PARD3: variants seen among roughly 807,000 people sequenced by gnomAD.
PARD3 encodes par-3 family cell polarity regulator, also known as partitioning defective 3 homolog.
PARD3 carries 75 observed loss-of-function variants against 155.4 expected under a neutral mutation model. The observed-to-expected ratio is 0.48, with a 90% confidence interval of 0.40 to 0.58. PARD3 has a LOEUF of 0.58. Ranked by LOEUF, PARD3 falls within the 20% of genes least tolerant of loss-of-function variation. The pLI is 0.00. For missense variants in PARD3, 1,642 were observed against 1,721.7 expected (o/e 0.95, Z 0.82); for synonymous variants, 576 against 610.5 (o/e 0.94, Z 0.83).
chr10:34,775,940 T>C (rs1250929753), intron 1 of PARD3, among the ~76,000 whole-genome samples: 1 of 151,882 alleles, frequency 6.6e-6, no homozygotes, highest in Non-Finnish European at 1.5e-5. Flanking sequence ...CAAAGTAATA[T>C]ATGGCCAGGC....
intron 6 of PARD3, among the ~76,000 whole-genome samples, chr10:34,401,433 A>T (rs1843871826): frequency 6.6e-6 from 1 of 152,196 alleles, no homozygotes; most frequent in Admixed American, 6.6e-5. Flanking sequence ...TAGTTTTTCA[A>T]GTATGTCTGC....
At chr10:34,203,799 C>T (rs1426137003) in intron 22 of PARD3, among the ~76,000 whole-genome samples, 1 of 152,158 alleles carries the variant, frequency 6.6e-6, no homozygotes, top group Non-Finnish European at 1.5e-5. Context: ...AATCCACACA[C>T]CTGAGTTCTA....
At chr10:34,789,748 CA>C (rs1438413693) in intron 1 of PARD3, among the ~76,000 whole-genome samples, 1 of 65,844 alleles carries the variant, frequency 1.5e-5, no homozygotes, top group Admixed American at 1.5e-4. Context: ...TATATATACA[CA>C]AACAAACAGA....
chr10:34,324,999 T>C (rs1476218539), intron 19 of PARD3, among the ~76,000 whole-genome samples: 1 of 152,158 alleles, frequency 6.6e-6, no homozygotes, highest in Non-Finnish European at 1.5e-5. Context: ...TAAAATAGTC[T>C]GTGGTTTGCT....
At chr10:34,112,751 A>G (rs1209133387) in intron 24 of PARD3, among the ~76,000 whole-genome samples, 2 of 152,352 alleles carry the variant, frequency 1.3e-5, no homozygotes, top group South Asian at 2.1e-4. Context: ...AATTGCATCA[A>G]TATGGTTTGG....
intron 5 of PARD3, among the ~76,000 whole-genome samples, chr10:34,431,137 A>C (rs2075877131): frequency 1.3e-5 from 2 of 152,318 alleles, no homozygotes; most frequent in East Asian, 3.9e-4. Flanking sequence ...ATTGCAGTTA[A>C]TAAGTATGAT....
Position 34,579,908 on chromosome 10 carries a change from G to GAAA in PARD3, c.223-62752_223-62750dup, listed in dbSNP as rs574829315. ...GCCTAGAGCTACCATTTTCACTACA[G>GAAA]AAAAAAAAAAAAATAGTTTTTGAGA... is the stretch of plus-strand genomic sequence containing the variant. On this transcript the variant is annotated intron_variant, in intron 2 of 24. Transcript: ENST00000374788. 6.3e-3 allele frequency among the ~76,000 whole-genome samples: 816 copies of GAAA among 130,354 alleles called. 11 individuals are homozygous for GAAA. Among genetic ancestry groups the GAAA allele is most frequent in the African/African-American group, 0.021 (746 of 36,268 alleles). The allele number at this position is 130,354 out of a possible 152,430, so 85.5% of individuals were successfully genotyped here. A position where few individuals can be genotyped will look rare whatever the true frequency, so the allele number is the denominator to read the frequency against.
At chr10:34,730,337 G>C (rs2094794489) in intron 1 of PARD3, among the ~76,000 whole-genome samples, 1 of 151,964 alleles carries the variant, frequency 6.6e-6, no homozygotes, top group African/African-American at 2.4e-5. Flanking sequence ...ACCAGACCTG[G>C]AAATTAATGA....
chr10:34,529,438 G>A (rs563860936), intron 2 of PARD3, among the ~76,000 whole-genome samples: 3 of 152,306 alleles, frequency 2.0e-5, no homozygotes, highest in Admixed American at 2.0e-4. Flanking sequence ...AGGCCCATGA[G>A]CTCTTTCTCT....
At chr10:34,503,658 G>A (rs1003564844) in intron 3 of PARD3, among the ~76,000 whole-genome samples, 1 of 152,216 alleles carries the variant, frequency 6.6e-6, no homozygotes, top group East Asian at 1.9e-4. Flanking sequence ...ACAACAGGCT[G>A]CTGTGATGGC....
At chr10:34,503,957 C>T (rs2080878127) in intron 3 of PARD3, among the ~76,000 whole-genome samples, 1 of 152,118 alleles carries the variant, frequency 6.6e-6, no homozygotes, top group African/African-American at 2.4e-5. Context: ...TGGTTAACTG[C>T]TTTCAAATGC....
At chr10:34,562,046 T>G (rs1219628354) in intron 2 of PARD3, among the ~76,000 whole-genome samples, 2 of 130,042 alleles carry the variant, frequency 1.5e-5, no homozygotes, top group Non-Finnish European at 3.1e-5. Context: ...AGGGAGAGAA[T>G]CACTTGAACC....
chr10:34,499,438 G>A (rs2080522978), intron 3 of PARD3, among the ~76,000 whole-genome samples: 1 of 151,958 alleles, frequency 6.6e-6, no homozygotes, highest in African/African-American at 2.4e-5. Context: ...GACACAAAAA[G>A]TTATTTGCGA....
chr10:34,774,880 T>C (rs1399524219), intron 1 of PARD3, among the ~76,000 whole-genome samples: 1 of 152,212 alleles, frequency 6.6e-6, no homozygotes, highest in African/African-American at 2.4e-5. Context: ...GATATAATTT[T>C]TCATTTACAG....
chr10:34,176,145 T>C (rs79111567), intron 22 of PARD3, among the ~76,000 whole-genome samples: 7,209 of 152,320 alleles, frequency 0.047, 261 homozygotes, highest in Non-Finnish European at 0.064. Context: ...GAGGCTATTA[T>C]CATGCCACTA....
intron 2 of PARD3, among the ~76,000 whole-genome samples, chr10:34,581,234 C>CTTTTTT (rs779658592): frequency 0.019 from 1,875 of 100,956 alleles, 257 homozygotes; most frequent in African/African-American, 0.072. Context: ...TTTTTCTTTT[C>CTTTTTT]TTTTTTTTTT....
At chr10:34,435,367 CAG>C (rs1186019981) in intron 5 of PARD3, among the ~76,000 whole-genome samples, 10 of 152,114 alleles carry the variant, frequency 6.6e-5, no homozygotes, top group Non-Finnish European at 1.2e-4. Flanking sequence ...TCCAAAGACA[CAG>C]AATTCTTACC....
At chr10:34,207,645 T>C (rs1951542029) in intron 22 of PARD3, among the ~76,000 whole-genome samples, 1 of 152,228 alleles carries the variant, frequency 6.6e-6, no homozygotes, top group South Asian at 2.1e-4. Flanking sequence ...TTTACCAAGA[T>C]GATATTTTCA....
rs190864765 is a variant in PARD3 at position 34,255,127 on chromosome 10, A to T, written c.3419+14530T>A. Among the ~76,000 whole-genome samples the T allele has an allele frequency of 9.9e-5, 15 of 151,958 alleles. No homozygotes were observed. In the East Asian group the frequency reaches 2.9e-3, roughly 29 times the overall value. ...TGCAACCAAATTCTAATAATTTACG[A>T]TTTAAATCATTTTTTAGATCTCCCT... On this transcript the variant is annotated intron_variant, in intron 22 of 24. Transcript: ENST00000374788.
Sources: allele counts gnomAD v4.1 joint callset (sites outside exome capture counted in the v4.1 genomes callset), GRCh38; gene constraint gnomAD v4.1.1; transcripts MANE v1.5; gene names NCBI Gene and HGNC (gene_info 2026-07-23, HGNC 2026-07-21).